XRCC1: variants seen among roughly 807,000 people sequenced by gnomAD.
XRCC1 encodes the protein X-ray repair cross complementing 1.
A neutral mutation model predicts 83.3 loss-of-function variants in XRCC1; 52 were observed. The observed-to-expected ratio is 0.62, with a 90% CI of 0.50 to 0.79. XRCC1 has a LOEUF of 0.79. XRCC1 is among the 30% of genes least tolerant of loss of function. XRCC1 has a pLI of 0.00. For missense variants in XRCC1, 793 were observed against 823.5 expected (o/e 0.96, Z 0.45); for synonymous variants, 281 against 312.6 (o/e 0.90, Z 1.07).
intron 4 of XRCC1, among the ~76,000 whole-genome samples, chr19:43,554,087 C>T (rs3213356): frequency 0.6 from 91,194 of 151,978 alleles, 27,764 homozygotes; most frequent in East Asian, 0.89. Context: ...GGTCCCTGCA[C>T]GACCTCATAA....
Position 43,554,638 on chromosome 19 carries a change from C to A in XRCC1, c.414+8G>T. 1 of 1,608,408 alleles carries A rather than the reference C, an allele frequency of 6.2e-7. No homozygotes were observed. The highest frequency in any genetic ancestry group is 1.1e-5 in the South Asian group (1 of 90,758). On this transcript the variant is annotated splice_region_variant and intron_variant, in intron 4 of 16. Transcript: ENST00000262887. Reference sequence around the variant, plus strand: ...AGGACTCTGCACCCTGGCTCCCACCCTAGGTACCTTGCTGTAGGGCTGGCT... The same window carrying A: ...AGGACTCTGCACCCTGGCTCCCACCATAGGTACCTTGCTGTAGGGCTGGCT...
intron 2 of XRCC1, among the ~76,000 whole-genome samples, chr19:43,570,157 G>A (rs535980914): frequency 6.6e-6 from 1 of 152,196 alleles, no homozygotes; most frequent in Non-Finnish European, 1.5e-5. Context: ...ACACCACAGT[G>A]GCGAACTGAG....
At chr19:43,544,300 T>C (rs1384560398) in intron 14 of XRCC1, 66 bp from the exon 15 acceptor site, 12 of 1,377,944 alleles carry the variant, frequency 8.7e-6, no homozygotes, top group Non-Finnish European at 1.2e-5. Context: ...CAAACAGGAG[T>C]GACGAGGCTG....
intron 2 of XRCC1, among the ~76,000 whole-genome samples, chr19:43,561,236 C>T (rs1001581): frequency 0.38 from 57,302 of 152,072 alleles, 10,745 homozygotes; most frequent in Non-Finnish European, 0.39. Context: ...TGAATGCATA[C>T]GCGCCCACCT....
In XRCC1 at chr19:43,546,736, G is replaced by A; in HGVS notation, c.1294-9C>T. 6.2e-7 allele frequency: 1 copy of A among 1,605,842 alleles called. No individual in the cohort carries two copies. The highest frequency in any genetic ancestry group is 1.1e-5 in the South Asian group (1 of 90,426). The stretch of plus-strand genomic sequence containing the variant: ...GTTTTGGTCTGGGGTTGCTAAGGAG[G>A]GAGAGTGGGTGGGTGAGGAGGGCAG... On this transcript the variant is annotated splice_polypyrimidine_tract_variant and intron_variant, in intron 11 of 16. Transcript: ENST00000262887.
At chr19:43,548,779 A>AAAAAAAAAAAAAC (rs1213062759) in intron 10 of XRCC1, among the ~76,000 whole-genome samples, 3 of 141,740 alleles carry the variant, frequency 2.1e-5, no homozygotes, top group South Asian at 2.4e-4. Flanking sequence ...AAAAAAAAAA[A>AAAAAAAAAAAAAC]AAAAAAACAC....
At chr19:43,572,317 G>A (rs568659649) in intron 2 of XRCC1, among the ~76,000 whole-genome samples, 3 of 152,210 alleles carry the variant, frequency 2.0e-5, no homozygotes, top group Non-Finnish European at 4.4e-5. Flanking sequence ...TGTTGACAGA[G>A]CACTTGTGCA....
chr19:43,548,765 TC>T (rs1409782916), intron 10 of XRCC1, among the ~76,000 whole-genome samples: 1 of 15,050 alleles, frequency 6.6e-5, no homozygotes, highest in Non-Finnish European at 1.2e-4. Context: ...CCAAGAATGA[TC>T]AAAAAAAAAA....
At chr19:43,568,180 G>T (rs935676583) in intron 2 of XRCC1, among the ~76,000 whole-genome samples, 1 of 151,390 alleles carries the variant, frequency 6.6e-6, no homozygotes, top group African/African-American at 2.4e-5. Context: ...GCCATGAAAT[G>T]CAATTGTATG....
In XRCC1 at chr19:43,543,596, C is replaced by T. The variant is rs1213608976; in HGVS notation, c.1788+16G>A. 25 of 1,613,904 alleles carry T rather than the reference C, an allele frequency of 1.5e-5. No individual in the cohort carries two copies. The highest frequency in any genetic ancestry group is 2.1e-5 in the Non-Finnish European group (25 of 1,179,972). The stretch of plus-strand genomic sequence containing the variant: ...GTGTGCCCGGGTCTCCCATTCTCTG[C>T]CTCTTTGGTACTCACCTCCTCAAAG... On this transcript the variant is annotated intron_variant, in intron 16 of 16. Transcript: ENST00000262887.
At position 43,553,625 on chromosome 19, in the gene XRCC1, G is replaced by C; in HGVS notation, c.473C>G (p.Ala158Gly). The change falls in exon 5 of 17, where the codon GCA becomes GGA. Residue 158 changes from alanine (A) to glycine (G), a missense_variant. Ala to Gly is a moderately conservative substitution (Grantham distance 60). Coordinates refer to ENST00000262887, the MANE Select transcript of XRCC1 (RefSeq NM_006297.3). ...RFHSPPDKDEAEAPSQKVTVT... is the reference protein window; with the variant it reads ...RFHSPPDKDEGEAPSQKVTVT... The stretch of plus-strand genomic sequence containing the variant: ...ACAGCTTACCTGGGACGGGGCCTCT[G>C]CCTCATCTTTGTCTGGGGGGCTATG... 1 of 1,583,148 alleles carries C rather than the reference G, an allele frequency of 6.3e-7. No homozygotes were observed. The highest frequency in any genetic ancestry group is 1.1e-5 in the South Asian group (1 of 88,982).
intron 2 of XRCC1, among the ~76,000 whole-genome samples, chr19:43,574,036 G>A (rs1020984809): frequency 2.0e-5 from 3 of 152,230 alleles, no homozygotes; most frequent in East Asian, 1.9e-4. Context: ...GTAGAGCAGC[G>A]ACTGACAGGT....
intron 3 of XRCC1, among the ~76,000 whole-genome samples, chr19:43,560,577 C>T (rs1972687664): frequency 1.3e-5 from 2 of 152,106 alleles, no homozygotes; most frequent in African/African-American, 4.8e-5. Context: ...AATGGATTCT[C>T]CCCTAGAGCC....
At position 43,571,096 on chromosome 19, in the gene XRCC1, G is replaced by T. The variant is rs377413514; in HGVS notation, c.144+3814C>A. Reference sequence around the variant, plus strand: ...GTCCCTCCTCTGCTCGGAGCCCTCCGGTGGCTCCTATCTCACACCTGGAGT... The same window carrying T: ...GTCCCTCCTCTGCTCGGAGCCCTCCTGTGGCTCCTATCTCACACCTGGAGT... On this transcript the variant is annotated intron_variant, in intron 2 of 16. Transcript: ENST00000262887. 2.0e-5 allele frequency among the ~76,000 whole-genome samples: 3 copies of T among 147,080 alleles called. No individual in the cohort carries two copies. In the South Asian group the frequency reaches 6.4e-4, roughly 31 times the overall value.
chr19:43,564,961 T>A (rs1194631894), intron 2 of XRCC1, among the ~76,000 whole-genome samples: 1 of 152,184 alleles, frequency 6.6e-6, no homozygotes, highest in East Asian at 1.9e-4. Context: ...CGAGGCCACC[T>A]GCCTTCCTTG....
intron 2 of XRCC1, among the ~76,000 whole-genome samples, chr19:43,570,057 T>C (rs1486188945): frequency 2.0e-5 from 3 of 152,210 alleles, no homozygotes; most frequent in Non-Finnish European, 2.9e-5. Context: ...GGCTGCAGTT[T>C]GCAAAGAGTC....
At chr19:43,547,295 C>A (rs991043187) in intron 10 of XRCC1, among the ~76,000 whole-genome samples, 2 of 152,000 alleles carry the variant, frequency 1.3e-5, no homozygotes, top group African/African-American at 2.4e-5. Flanking sequence ...GAGCGACTCC[C>A]CTGCCTCAGC....
chr19:43,565,501 C>G (rs576665359), intron 2 of XRCC1, among the ~76,000 whole-genome samples: 1 of 152,378 alleles, frequency 6.6e-6, no homozygotes, highest in East Asian at 1.9e-4. Context: ...AACTCAACAT[C>G]TTTACCTCTC....
At position 43,552,036 on chromosome 19, in the gene XRCC1, G is replaced by T. The variant is rs752760387; in HGVS notation, c.1063C>A (p.Arg355=). Residue 355 remains arginine (R), a synonymous_variant, in exon 9 of 17, where the codon CGG becomes AGG. Transcript: ENST00000262887. The part of the protein sequence containing the change: ...LGAKYRPDWT[R]DSTHLICAFA... The stretch of plus-strand genomic sequence containing the variant: ...GCCTACATGAGGTGCGTGCTGTCCC[G>T]GGTCCAGTCTGGCCGATACTTGGCC... 3.1e-6 allele frequency: 5 copies of T among 1,613,912 alleles called. No individual in the cohort carries two copies. In the Admixed American group the frequency reaches 8.3e-5, roughly 27 times the overall value.
Sources: allele counts gnomAD v4.1 joint callset (sites outside exome capture counted in the v4.1 genomes callset), GRCh38; gene constraint gnomAD v4.1.1; transcripts MANE v1.5; gene names NCBI Gene and HGNC (gene_info 2026-07-23, HGNC 2026-07-21).